The following SCN8A variants were observed in gnomAD, a reference collection of about 807,000 sequenced individuals.
SCN8A encodes sodium voltage-gated channel alpha subunit 8, also known as sodium channel protein type 8 subunit alpha.
A neutral mutation model predicts 184.1 loss-of-function variants in SCN8A; 30 were observed. The observed-to-expected ratio is 0.16, with a 90% CI of 0.12 to 0.22. SCN8A has a LOEUF of 0.22. Ranked by LOEUF, SCN8A falls within the 10% of genes least tolerant of loss-of-function variation. SCN8A has a pLI of 1.00. For synonymous variants in SCN8A, 852 were observed against 907.0 expected, an observed-to-expected ratio of 0.94 and a Z score of 1.09; for missense variants, 1,057 against 2,498.9, an observed-to-expected ratio of 0.42 and a Z score of 12.30.
At chr12:51,696,829 G>A (rs561727523) in intron 6 of SCN8A, among the ~76,000 whole-genome samples, 36 of 151,850 alleles carry the variant, frequency 2.4e-4, no homozygotes, top group African/African-American at 6.0e-4. Flanking sequence ...TCAGGGGTTC[G>A]AGACCAGCCT....
intron 1 of SCN8A, among the ~76,000 whole-genome samples, chr12:51,614,521 T>C (rs536338606): frequency 6.6e-6 from 1 of 152,252 alleles, no homozygotes; most frequent in East Asian, 1.9e-4. Flanking sequence ...AAGAGAGTTC[T>C]TGTATTTTCT....
At chr12:51,721,990 G>C (rs749734642) in intron 12 of SCN8A, 82 bp downstream of exon 12, 2 of 1,595,020 alleles carry the variant, frequency 1.3e-6, no homozygotes, top group Non-Finnish European at 1.7e-6. Context: ...AGTCTCCCCC[G>C]CTCCTTCCCC....
At chr12:51,619,472 C>A (rs1268519729) in intron 1 of SCN8A, among the ~76,000 whole-genome samples, 2 of 152,160 alleles carry the variant, frequency 1.3e-5, no homozygotes, top group African/African-American at 4.8e-5. Context: ...CCATTTAAAA[C>A]TGTTAATAGC....
chr12:51,669,959 A>G (rs1284198836), intron 2 of SCN8A, among the ~76,000 whole-genome samples: 1 of 152,246 alleles, frequency 6.6e-6, no homozygotes, highest in Non-Finnish European at 1.5e-5. Flanking sequence ...GCTTTTGCAC[A>G]ATAAGCCTAA....
chr12:51,606,749 GTC>G (rs1051568385), intron 1 of SCN8A, among the ~76,000 whole-genome samples: 63 of 152,002 alleles, frequency 4.1e-4, no homozygotes, highest in African/African-American at 1.4e-3. Context: ...TATTTGTGTC[GTC>G]TATGATTTCT....
At chr12:51,736,771 A>G (rs758926979) in intron 12 of SCN8A, among the ~76,000 whole-genome samples, 3 of 152,254 alleles carry the variant, frequency 2.0e-5, no homozygotes, top group Admixed American at 1.3e-4. Flanking sequence ...AGAATTTTCA[A>G]TTAACCGTGT....
intron 2 of SCN8A, among the ~76,000 whole-genome samples, chr12:51,669,792 A>G (rs1223345109): frequency 6.6e-6 from 1 of 152,152 alleles, no homozygotes; most frequent in Non-Finnish European, 1.5e-5. Flanking sequence ...AGCTTAAGTG[A>G]TACATACACA....
intron 12 of SCN8A, among the ~76,000 whole-genome samples, chr12:51,726,371 C>G (rs1942155375): frequency 6.6e-6 from 1 of 152,184 alleles, no homozygotes; most frequent in Non-Finnish European, 1.5e-5. Flanking sequence ...CAGCCTGGAC[C>G]TTATGAAACA....
chr12:51,702,052 G>A (rs548114082), intron 8 of SCN8A, among the ~76,000 whole-genome samples: 57 of 152,136 alleles, frequency 3.7e-4, no homozygotes, highest in Admixed American at 7.2e-4. Context: ...GGCCAGGCGC[G>A]GTGGCTCACG....
rs555377271 is a variant in SCN8A at position 51,706,322 on chromosome 12, T to C, written c.1342-100T>C. 53 of 1,210,740 alleles carry C rather than the reference T, an allele frequency of 4.4e-5. No individual in the cohort carries two copies. In the East Asian group the frequency reaches 1.3e-3, roughly 29 times the overall value. The allele number at this position is 1,210,740 out of a possible 1,614,324, so 75.0% of individuals were successfully genotyped here. On this transcript the variant is annotated intron_variant, in intron 10 of 26. Transcript: ENST00000627620. ...GGTTTCCTGCCTCCTTTTTTCCTCC[T>C]TTCCCTTCAGTAGGGAAATGTTCTG...
chr12:51,700,720 T>C (rs988833277), intron 7 of SCN8A, among the ~76,000 whole-genome samples: 3 of 152,202 alleles, frequency 2.0e-5, no homozygotes, highest in African/African-American at 7.2e-5. Context: ...AAACATGCCT[T>C]GTAATTTAAA....
Position 51,806,573 on chromosome 12 carries a change from T to C in SCN8A, c.5087T>C (p.Ile1696Thr). The part of the protein sequence containing the change: ...FNFETFGNSM[I>T]CLFQITTSAG... The stretch of plus-strand genomic sequence containing the variant: ...TTTGAGACATTTGGCAACAGCATGA[T>C]CTGCCTGTTTCAAATCACAACCTCA... Residue 1696 changes from isoleucine to threonine, a missense_variant, in exon 27 of 27, where the codon ATC becomes ACC. Physicochemically the swap from Ile to Thr is moderately conservative, Grantham distance 89. Transcript: ENST00000627620. This position sits in a 1 kb window ranked among gnomAD's most constrained non-coding sequence, Gnocchi z 8.7. The C allele has an allele frequency of 6.2e-7, 1 of 1,614,212 alleles. No individual in the cohort carries two copies. The highest frequency in any genetic ancestry group is 2.2e-5 in the East Asian group (1 of 44,884).
chr12:51,630,296 C>T (rs963103004), intron 1 of SCN8A, among the ~76,000 whole-genome samples: 1 of 152,030 alleles, frequency 6.6e-6, no homozygotes, highest in African/African-American at 2.4e-5. Flanking sequence ...CTCTGACAAC[C>T]GCCATTCTAC....
chr12:51,711,713 CT>C (rs34571044), intron 11 of SCN8A, among the ~76,000 whole-genome samples: 5,429 of 144,062 alleles, frequency 0.038, 314 homozygotes, highest in African/African-American at 0.13. Flanking sequence ...CTTCTGAGTT[CT>C]TTTTTTTTTT....
chr12:51,708,972 A>G (rs1262896990), intron 11 of SCN8A, among the ~76,000 whole-genome samples: 2 of 152,234 alleles, frequency 1.3e-5, no homozygotes, highest in Non-Finnish European at 1.5e-5. Context: ...AAAATTATGT[A>G]GTAGCATGTG....
rs1479560196 is a variant in SCN8A, at chr12:51,687,297, G to C, written c.614+78G>C. 2.0e-5 allele frequency: 30 copies of C among 1,515,564 alleles called. No homozygotes were observed. The Admixed American group carries it at 4.3e-4, about 22-fold the overall frequency. 93.9% of individuals were successfully genotyped at this position (1,515,564 alleles called of 1,614,324 possible). ...GTTGTACTCCTGGGTCTGTTTGTAG[G>C]TGTGCATTTGTGGACACAGCTGTAT... On this transcript the variant is annotated intron_variant, in intron 5 of 26. Transcript: ENST00000627620.
At chr12:51,686,793 T>C (rs1321098129) in intron 4 of SCN8A, among the ~76,000 whole-genome samples, 3 of 152,148 alleles carry the variant, frequency 2.0e-5, no homozygotes, top group Non-Finnish European at 4.4e-5. Context: ...TAAAAACAGC[T>C]CTGGGGGGCC....
intron 21 of SCN8A, among the ~76,000 whole-genome samples, chr12:51,782,041 T>C (rs1937939842): frequency 6.6e-6 from 1 of 152,224 alleles, no homozygotes; most frequent in Admixed American, 6.5e-5. Flanking sequence ...AATTTTATTA[T>C]GTTAATTTAT....
At chr12:51,653,902 A>T (rs1271482083) in intron 1 of SCN8A, among the ~76,000 whole-genome samples, 1 of 152,206 alleles carries the variant, frequency 6.6e-6, no homozygotes, top group East Asian at 1.9e-4. Flanking sequence ...CCTAATGGGT[A>T]TGAAGTGGTA....
Sources: allele counts gnomAD v4.1 joint callset (sites outside exome capture counted in the v4.1 genomes callset), GRCh38; gene constraint gnomAD v4.1.1; non-coding constraint Gnocchi (gnomAD v3.1); transcripts MANE v1.5; gene names NCBI Gene and HGNC (gene_info 2026-07-23, HGNC 2026-07-21).